RNFT2: variants seen among roughly 807,000 people sequenced by gnomAD.
The protein encoded by RNFT2 is E3 ubiquitin-protein ligase RNFT2.
RNFT2 carries 36 observed loss-of-function variants against 53.0 expected under a neutral mutation model. That is an observed-to-expected ratio of 0.68 (90% confidence interval 0.52 to 0.90). The LOEUF is 0.90. Among genes scored for constraint, RNFT2 ranks in the 40% least tolerant of loss-of-function variants. The probability of loss-of-function intolerance (pLI) is 0.00; values close to 1 mark genes in which losing one functional copy is unlikely to be tolerated. For synonymous variants in RNFT2, 260 were observed against 253.2 expected, an observed-to-expected ratio of 1.03 and a Z score of -0.26; for missense variants, 514 against 585.6, an observed-to-expected ratio of 0.88 and a Z score of 1.26.
chr12:116,842,353 G>A (rs1468647556), intron 10 of RNFT2, among the ~76,000 whole-genome samples: 1 of 151,952 alleles, frequency 6.6e-6, no homozygotes, highest in Non-Finnish European at 1.5e-5. Context: ...CAGGAGAAGG[G>A]GATACTGGGG....
At chr12:116,819,324 T>A (rs1438103779) in intron 7 of RNFT2, among the ~76,000 whole-genome samples, 2 of 152,186 alleles carry the variant, frequency 1.3e-5, no homozygotes, top group Non-Finnish European at 2.9e-5. Context: ...GCTAAGAGCC[T>A]CAGGCTCGGG....
chr12:116,788,233 G>C (rs1566081428), intron 7 of RNFT2, among the ~76,000 whole-genome samples: 1 of 152,128 alleles, frequency 6.6e-6, no homozygotes, highest in Admixed American at 6.6e-5. Context: ...AGCCTCTTTT[G>C]CTCCTTTATA....
At chr12:116,832,400 T>C (rs927240713) in intron 7 of RNFT2, among the ~76,000 whole-genome samples, 8 of 152,122 alleles carry the variant, frequency 5.3e-5, no homozygotes, top group African/African-American at 1.9e-4. Flanking sequence ...CAGGCATTCA[T>C]GTATACTTAT....
chr12:116,768,521 T>C (rs1873021085), intron 6 of RNFT2, among the ~76,000 whole-genome samples: 2 of 152,164 alleles, frequency 1.3e-5, no homozygotes, highest in African/African-American at 4.8e-5. Context: ...TATTACCTAG[T>C]GATATTGCAG....
chr12:116,832,148 A>AAAAAAATATATATATAT (rs1555209702), intron 7 of RNFT2, among the ~76,000 whole-genome samples: 1 of 55,176 alleles, frequency 1.8e-5, no homozygotes, highest in African/African-American at 7.0e-5. Context: ...AAAAAAAAAA[A>AAAAAAATATATATATAT]ATATATATAT....
chr12:116,795,666 T>G (rs1874469105), intron 7 of RNFT2, among the ~76,000 whole-genome samples: 1 of 152,152 alleles, frequency 6.6e-6, no homozygotes. Flanking sequence ...TAGAATGTTC[T>G]TAGGACAAAG....
chr12:116,751,480 T>C (rs1198049832), intron 4 of RNFT2, among the ~76,000 whole-genome samples: 4 of 152,000 alleles, frequency 2.6e-5, no homozygotes, highest in African/African-American at 9.7e-5. Context: ...CTCTGCTCAC[T>C]GCAACCTCCA....
chr12:116,768,794 G>A (rs1392259750), intron 6 of RNFT2, among the ~76,000 whole-genome samples: 1 of 147,614 alleles, frequency 6.8e-6, no homozygotes, highest in Non-Finnish European at 1.5e-5. Flanking sequence ...GCAGTGGTGT[G>A]ATCTCGGCTC....
intron 10 of RNFT2, among the ~76,000 whole-genome samples, chr12:116,846,542 C>T (rs1019544449): frequency 2.0e-5 from 3 of 150,356 alleles, no homozygotes; most frequent in East Asian, 2.0e-4. Flanking sequence ...CTCCTGCCTT[C>T]GCCTCCCAAA....
chr12:116,842,599 A>C (rs1256938183), intron 10 of RNFT2, among the ~76,000 whole-genome samples: 1 of 151,862 alleles, frequency 6.6e-6, no homozygotes, highest in African/African-American at 2.4e-5. Context: ...TTTGAGACAG[A>C]GTCTCCCTCT....
chr12:116,838,110 C>T (rs1448698206), intron 10 of RNFT2, among the ~76,000 whole-genome samples: 2 of 152,090 alleles, frequency 1.3e-5, no homozygotes, highest in African/African-American at 4.8e-5. Context: ...AGAGATTGCT[C>T]CTTATCCTAT....
chr12:116,824,630 G>C (rs1363227680), intron 7 of RNFT2, among the ~76,000 whole-genome samples: 1 of 152,194 alleles, frequency 6.6e-6, no homozygotes, highest in Non-Finnish European at 1.5e-5. Context: ...TAAGGTGAAA[G>C]CTTCTCTGAA....
chr12:116,832,898 C>CTTTTTTTTTTTTTT (rs71095601), intron 7 of RNFT2, among the ~76,000 whole-genome samples: 3 of 84,766 alleles, frequency 3.5e-5, no homozygotes, highest in Non-Finnish European at 6.2e-5. Flanking sequence ...AAGTCGTGTT[C>CTTTTTTTTTTTTTT]TTTTTTTTTT....
chr12:116,740,835 G>T, intron 2 of RNFT2: 2 of 634,260 alleles, frequency 3.2e-6, no homozygotes, highest in Admixed American at 2.5e-5. Context: ...GTGAAATGGG[G>T]TGATAGCTTT....
chr12:116,786,237 T>G (rs1873930244), intron 7 of RNFT2, among the ~76,000 whole-genome samples: 1 of 151,594 alleles, frequency 6.6e-6, no homozygotes, highest in African/African-American at 2.4e-5. Context: ...TTCTCCTGCC[T>G]CAGCCTCCCA....
intron 7 of RNFT2, among the ~76,000 whole-genome samples, chr12:116,782,822 G>T (rs1873773350): frequency 6.6e-6 from 1 of 152,136 alleles, no homozygotes; most frequent in South Asian, 2.1e-4. Context: ...TTCTATCCAG[G>T]TCTGGTAACT....
At position 116,850,285 on chromosome 12, in the gene RNFT2, G is replaced by A. The variant is rs1877856740; in HGVS notation, c.*837G>A. The A allele has an allele frequency of 6.6e-6, 1 of 151,434 alleles. No individual in the cohort carries two copies. Among genetic ancestry groups the A allele is most frequent in the Non-Finnish European group, 1.5e-5 (1 of 68,106 alleles). The allele number at this position is 151,434 out of a possible 1,614,324, so 9.4% of individuals were successfully genotyped here. A position where few individuals can be genotyped will look rare whatever the true frequency, so the allele number is the denominator to read the frequency against. On this transcript the variant is annotated 3_prime_UTR_variant, in exon 11 of 11. Coordinates refer to ENST00000257575, the MANE Select transcript of RNFT2 (RefSeq NM_001382266.1). Reference sequence around the variant, plus strand: ...TCCTCCCGCCTCAGCCTCCCAAGTAGCTGGGACTACAGGTGTGTGCCACCA... The same window carrying A: ...TCCTCCCGCCTCAGCCTCCCAAGTAACTGGGACTACAGGTGTGTGCCACCA...
intron 5 of RNFT2, among the ~76,000 whole-genome samples, chr12:116,765,632 CCTT>C (rs1233227839): frequency 6.6e-6 from 1 of 152,184 alleles, no homozygotes; most frequent in African/African-American, 2.4e-5. Flanking sequence ...CTTTGCATCT[CCTT>C]CAGACATTTC....
intron 10 of RNFT2, among the ~76,000 whole-genome samples, chr12:116,847,530 C>CTT (rs1877680837): frequency 1.2e-5 from 1 of 86,512 alleles, no homozygotes; most frequent in African/African-American, 2.7e-5. Context: ...CTCTCTCTCT[C>CTT]TCTTTTTTTT....
Sources: gnomAD v4.1 joint callset for allele counts (sites outside exome capture counted in the v4.1 genomes callset) on GRCh38, gnomAD v4.1.1 for gene constraint, MANE v1.5 for transcripts, NCBI Gene and HGNC (gene_info 2026-07-23, HGNC 2026-07-21) for gene names.